GYS2: variants seen among roughly 807,000 people sequenced by gnomAD.
GYS2 encodes the protein glycogen [starch] synthase, liver.
Under a neutral mutation model 85.6 loss-of-function variants are expected in GYS2, and 80 were observed. The ratio of observed to expected loss-of-function variants is 0.93; its 90% confidence interval spans 0.78 to 1.13. GYS2 has a LOEUF of 1.13. Among genes scored for constraint, GYS2 ranks in the 50% most tolerant of loss-of-function variants. The pLI is 0.00. For synonymous variants in GYS2, 328 were observed against 300.7 expected (o/e 1.09, Z -0.94); for missense variants, 881 against 854.9 (o/e 1.03, Z -0.38).
intron 1 of GYS2, among the ~76,000 whole-genome samples, chr12:21,584,450 C>T (rs1944550608): frequency 7.1e-6 from 1 of 141,652 alleles, no homozygotes; most frequent in South Asian, 2.2e-4. Context: ...CTGTGGACAC[C>T]ACTCAGCCTT....
chr12:21,540,725 G>C (rs1305969707), intron 13 of GYS2, 152 bp from the exon 14 acceptor site: 1 of 716,058 alleles, frequency 1.4e-6, no homozygotes, highest in African/African-American at 1.7e-5. Context: ...TCTTTTCTGA[G>C]GCCCTAATTC....
chr12:21,566,775 C>A (rs191572703), intron 5 of GYS2, among the ~76,000 whole-genome samples: 8 of 152,258 alleles, frequency 5.3e-5, no homozygotes, highest in Non-Finnish European at 7.4e-5. Flanking sequence ...TAATGTCACA[C>A]AGCTAGTAAC....
At chr12:21,539,428 C>T in intron 14 of GYS2, 90 bp from the exon 15 acceptor site, 2 of 778,682 alleles carry the variant, frequency 2.6e-6, no homozygotes, top group Non-Finnish European at 4.6e-6. Context: ...TCTCCTAGTT[C>T]TGAAACATAT....
At chr12:21,589,884 A>G (rs1038672106) in intron 1 of GYS2, among the ~76,000 whole-genome samples, 1 of 152,020 alleles carries the variant, frequency 6.6e-6, no homozygotes, top group African/African-American at 2.4e-5. Flanking sequence ...CACCCACCAG[A>G]TGACATCGTT....
intron 15 of GYS2, among the ~76,000 whole-genome samples, chr12:21,537,665 T>G (rs1050068620): frequency 1.1e-4 from 16 of 152,230 alleles, no homozygotes; most frequent in Admixed American, 1.0e-3. Context: ...GGAAATGCCA[T>G]GGATGGCCAC....
chr12:21,574,772 G>T (rs1016472100), intron 3 of GYS2, among the ~76,000 whole-genome samples: 1 of 151,530 alleles, frequency 6.6e-6, no homozygotes, highest in Admixed American at 6.6e-5. Flanking sequence ...CTAGACTTGT[G>T]TTTATTTATA....
chr12:21,537,889 G>A (rs541604493), intron 15 of GYS2, among the ~76,000 whole-genome samples: 31 of 152,248 alleles, frequency 2.0e-4, no homozygotes, highest in Middle Eastern at 3.4e-3. Flanking sequence ...ATTGAATGGG[G>A]AGACAGATGT....
chr12:21,557,227 A>G (rs1271427503), intron 11 of GYS2, among the ~76,000 whole-genome samples: 1 of 152,200 alleles, frequency 6.6e-6, no homozygotes, highest in Non-Finnish European at 1.5e-5. Context: ...TAGTGGATGG[A>G]GCTTAGTAGA....
intron 3 of GYS2, among the ~76,000 whole-genome samples, chr12:21,575,252 G>T (rs959264028): frequency 2.7e-4 from 41 of 152,260 alleles, no homozygotes; most frequent in African/African-American, 9.4e-4. Flanking sequence ...GAAGATCGGG[G>T]TCTAATTCCA....
downstream of GYS2, among the ~76,000 whole-genome samples, chr12:21,535,869 G>C (rs1943905253): frequency 6.6e-6 from 1 of 152,092 alleles, no homozygotes; most frequent in Non-Finnish European, 1.5e-5. Context: ...TTGTTTTGTT[G>C]CCAATTTAGA....
chr12:21,560,540 A>C (rs1476600212), intron 7 of GYS2, 48 bp from the exon 8 acceptor site: 1 of 883,154 alleles, frequency 1.1e-6, no homozygotes, highest in African/African-American at 1.6e-5. Context: ...AGATTTTTAA[A>C]AAGTATGATA....
intron 1 of GYS2, among the ~76,000 whole-genome samples, chr12:21,592,867 C>T (rs1026971657): frequency 6.6e-6 from 1 of 152,004 alleles, no homozygotes; most frequent in Admixed American, 6.5e-5. Flanking sequence ...CCCCAGGATA[C>T]ACCATATGTT....
At chr12:21,565,586 ATTAG>A (rs1002510442) in intron 5 of GYS2, among the ~76,000 whole-genome samples, 12 of 150,220 alleles carry the variant, frequency 8.0e-5, no homozygotes, top group African/African-American at 2.7e-4. Context: ...ATGATGTTAA[ATTAG>A]TTAAATTAAT....
At chr12:21,600,849 T>C (rs563194203) in intron 1 of GYS2, among the ~76,000 whole-genome samples, 9 of 152,254 alleles carry the variant, frequency 5.9e-5, no homozygotes, top group African/African-American at 2.2e-4. Context: ...GACTCTAGTT[T>C]TCTGAATTCT....
At chr12:21,603,779 T>G (rs1176440781) in intron 1 of GYS2, among the ~76,000 whole-genome samples, 1 of 152,100 alleles carries the variant, frequency 6.6e-6, no homozygotes, top group Non-Finnish European at 1.5e-5. Flanking sequence ...GTTTTATAAT[T>G]TTACAGATGT....
rs1407528842 is a variant in GYS2 at position 21,559,058 on chromosome 12, A to G, written c.1308+33T>C. The G allele has an allele frequency of 2.5e-6, 3 of 1,202,796 alleles. No individual in the cohort carries two copies. In the African/African-American group the frequency reaches 4.5e-5, roughly 18 times the overall value. 74.5% of individuals were successfully genotyped at this position (1,202,796 alleles called of 1,614,324 possible). On this transcript the variant is annotated intron_variant, in intron 10 of 15. Transcript: ENST00000261195. The stretch of plus-strand genomic sequence containing the variant: ...ACTGATTAGATAGAATTTAATAACT[A>G]TGGGACATAGTGGGTGCTTTTTTCC...
At chr12:21,549,670 G>T (rs1428715296) in intron 11 of GYS2, among the ~76,000 whole-genome samples, 2 of 152,172 alleles carry the variant, frequency 1.3e-5, no homozygotes, top group African/African-American at 4.8e-5. Flanking sequence ...GTCCCTCAAT[G>T]CGGGTTTGTC....
intron 11 of GYS2, among the ~76,000 whole-genome samples, chr12:21,552,274 G>A (rs1340834158): frequency 6.6e-6 from 1 of 152,208 alleles, no homozygotes; most frequent in African/African-American, 2.4e-5. Flanking sequence ...CACCGTGGCA[G>A]CCCAGAGCTG....
chr12:21,552,609 G>C (rs757180056), intron 11 of GYS2, among the ~76,000 whole-genome samples: 2 of 152,190 alleles, frequency 1.3e-5, no homozygotes, highest in Non-Finnish European at 2.9e-5. Context: ...GGAAGGTGCT[G>C]TACATTTATT....
Sources: allele counts gnomAD v4.1 joint callset (sites outside exome capture counted in the v4.1 genomes callset), GRCh38; gene constraint gnomAD v4.1.1; transcripts MANE v1.5; gene names NCBI Gene and HGNC (gene_info 2026-07-23, HGNC 2026-07-21).